ATIC: variants seen among roughly 807,000 people sequenced by gnomAD.
ATIC encodes 5-aminoimidazole-4-carboxamide ribonucleotide formyltransferase/IMP cyclohydrolase.
In ATIC, 64 loss-of-function variants were observed where a neutral mutation model predicts 72.5. The observed-to-expected ratio is 0.88, with a 90% CI of 0.72 to 1.09. The LOEUF is 1.09. Ranked by LOEUF, ATIC falls within the 50% of genes least tolerant of loss-of-function variation. ATIC has a pLI of 0.00. For missense variants in ATIC, 787 were observed against 732.4 expected, an observed-to-expected ratio of 1.07 and a Z score of -0.86; for synonymous variants, 281 against 267.1, an observed-to-expected ratio of 1.05 and a Z score of -0.51.
Position 215,349,417 on chromosome 2 carries a change from G to A in ATIC, c.1660-119G>A. 2.5e-6 allele frequency: 4 copies of A among 1,583,462 alleles called. No individual in the cohort carries two copies. The Middle Eastern group carries it at 5.0e-4, about 199-fold the overall frequency. The stretch of plus-strand genomic sequence containing the variant: ...GTGGATGGAGAACCCAAATCCTGTT[G>A]TTATTTTGCCTTTTTGACTGAGTGT... On this transcript the variant is annotated intron_variant, in intron 15 of 15. Transcript: ENST00000236959.
chr2:215,352,965 T>C (rs75130140), downstream of ATIC, among the ~76,000 whole-genome samples: 1,919 of 152,354 alleles, frequency 0.013, 33 homozygotes, highest in East Asian at 0.052. Context: ...GCCGTAGTTA[T>C]GTAAATTTTT....
intron 4 of ATIC, among the ~76,000 whole-genome samples, chr2:215,320,914 A>C (rs918201464): frequency 5.3e-5 from 8 of 152,012 alleles, no homozygotes; most frequent in Non-Finnish European, 1.2e-4. Context: ...CTCTACATGA[A>C]CTCAGAGTGA....
chr2:215,312,770 A>G, intron 2 of ATIC, 146 bp downstream of exon 2: 1 of 1,334,950 alleles, frequency 7.5e-7, no homozygotes, highest in Non-Finnish European at 1.0e-6. Flanking sequence ...TTTATGGGGA[A>G]AAAAAGTGAG....
At chr2:215,346,668 T>A in intron 13 of ATIC, 91 bp from the exon 14 acceptor site, 1 of 1,440,792 alleles carries the variant, frequency 6.9e-7, no homozygotes, top group Non-Finnish European at 9.8e-7. Flanking sequence ...ACAAAACTAA[T>A]AAATAGGTTT....
At position 215,342,515 on chromosome 2, in the gene ATIC, A is replaced by G. The variant is rs1440317573; in HGVS notation, c.1228-2264A>G. Among the ~76,000 whole-genome samples, 6 of 152,274 alleles carry G rather than the reference A, an allele frequency of 3.9e-5. No individual in the cohort carries two copies. The East Asian group carries it at 1.2e-3, about 29-fold the overall frequency. On this transcript the variant is annotated intron_variant, in intron 12 of 15. Transcript: ENST00000236959. ...TTGATAACAGTTGAAGACACAGGGC[A>G]TTTCCAACACTGCAGTGATCCCTCA...
chr2:215,312,299 C>A, intron 1 of ATIC, 138 bp downstream of exon 1: 1 of 1,442,460 alleles, frequency 6.9e-7, no homozygotes, highest in Non-Finnish European at 9.2e-7. Context: ...GCTCCCCGGC[C>A]GGGCCGCAGC....
chr2:215,349,278 A>G, intron 15 of ATIC, 29 bp downstream of exon 15: 1 of 1,613,754 alleles, frequency 6.2e-7, no homozygotes, highest in South Asian at 1.1e-5. Flanking sequence ...GCATTTGCTT[A>G]GAGTTGAGCA....
the ATIC span, chr2:215,362,316 G>GTCTC: frequency 1.9e-6 from 1 of 525,400 alleles, no homozygotes; most frequent in Non-Finnish European, 3.4e-6. Flanking sequence ...CTCCTGAAAT[G>GTCTC]TCTCTTCTCT....
chr2:215,338,728 A>C (rs1251303384), intron 11 of ATIC, 51 bp from the exon 12 acceptor site: 6 of 1,578,838 alleles, frequency 3.8e-6, no homozygotes, highest in Non-Finnish European at 5.2e-6. Context: ...TAAATGAAAA[A>C]TTTGAGGGAA....
chr2:215,346,478 CT>C (rs112969952), intron 13 of ATIC, among the ~76,000 whole-genome samples: 18,923 of 144,212 alleles, frequency 0.13, 1,551 homozygotes, highest in African/African-American at 0.25. Context: ...TTTATTTTAA[CT>C]TTTTTTTTTT....
chr2:215,351,614 C>T (rs188339088), downstream of ATIC, among the ~76,000 whole-genome samples: 28 of 152,160 alleles, frequency 1.8e-4, no homozygotes, highest in Non-Finnish European at 3.4e-4. Context: ...ATTAGCTGGG[C>T]ATGGTGGCTC....
intron 5 of ATIC, among the ~76,000 whole-genome samples, chr2:215,325,689 A>G (rs1013389327): frequency 6.6e-6 from 1 of 151,934 alleles, no homozygotes; most frequent in Non-Finnish European, 1.5e-5. Context: ...CAGCCTCCTG[A>G]GTAGCTGGGA....
Position 215,312,567 on chromosome 2 carries a change from A to G in ATIC, c.89A>G (p.Asn30Ser). ...AGAAACCTGACCGCTCTTGGTTTGA[A>G]TCTGGTCGCTTCCGGAGGGACTGCA... ...FARNLTALGL[N>S]LVASGGTAKA... is the part of the protein sequence containing the mutation. Residue 30 changes from asparagine (N) to serine (S), a missense_variant, in exon 2 of 16, where the codon AAT becomes AGT. Transcript: ENST00000236959. The G allele has an allele frequency of 1.9e-6, 3 of 1,614,198 alleles. No individual in the cohort carries two copies. The highest frequency in any genetic ancestry group is 2.2e-5 in the East Asian group (1 of 44,878).
chr2:215,341,795 CT>C (rs1575124036), intron 12 of ATIC, among the ~76,000 whole-genome samples: 1 of 152,086 alleles, frequency 6.6e-6, no homozygotes, highest in African/African-American at 2.4e-5. Context: ...TCTCGTATGC[CT>C]TGATCCCAAC....
At chr2:215,331,591 C>G (rs2052895634) in intron 7 of ATIC, among the ~76,000 whole-genome samples, 1 of 152,040 alleles carries the variant, frequency 6.6e-6, no homozygotes, top group Non-Finnish European at 1.5e-5. Context: ...ACCATGTTGA[C>G]CAGGCTGATC....
At chr2:215,323,360 A>G (rs2052790538) in intron 4 of ATIC, among the ~76,000 whole-genome samples, 2 of 152,152 alleles carry the variant, frequency 1.3e-5, no homozygotes, top group South Asian at 2.1e-4. Context: ...TGGAATTTTC[A>G]TAGGTATTGT....
At chr2:215,348,181 T>C (rs1311526745) in intron 14 of ATIC, among the ~76,000 whole-genome samples, 1 of 152,230 alleles carries the variant, frequency 6.6e-6, no homozygotes, top group East Asian at 1.9e-4. Context: ...TCAACATGAA[T>C]TTTGGAGTGG....
chr2:215,333,280 T>C (rs2052915640), intron 8 of ATIC, 70 bp from the exon 9 acceptor site: 2 of 1,329,818 alleles, frequency 1.5e-6, no homozygotes, highest in African/African-American at 2.9e-5. Context: ...AAGAAAACTG[T>C]CTTGATTTAG....
At chr2:215,358,069 C>A in the ATIC span, among the ~76,000 whole-genome samples, 1 of 152,132 alleles carries the variant, frequency 6.6e-6, no homozygotes. Flanking sequence ...ATAGAAAAGT[C>A]ATTTCCTGTA....
Sources: allele counts gnomAD v4.1 joint callset (sites outside exome capture counted in the v4.1 genomes callset), GRCh38; gene constraint gnomAD v4.1.1; transcripts MANE v1.5; gene names NCBI Gene and HGNC (gene_info 2026-07-23, HGNC 2026-07-21).